The following GID8 variants were observed in gnomAD, a reference collection of about 807,000 sequenced individuals.
GID8 encodes the protein glucose-induced degradation protein 8 homolog.
A neutral mutation model predicts 27.4 loss-of-function variants in GID8; 6 were observed. The observed-to-expected ratio is 0.22, with a 90% confidence interval of 0.12 to 0.43. The LOEUF is 0.43. GID8 is among the 20% of genes least tolerant of loss of function. The pLI, the probability that GID8 is intolerant of heterozygous loss-of-function variation, is 1.00. For missense variants in GID8, 173 were observed against 287.6 expected (o/e 0.60, Z 2.88); for synonymous variants, 112 against 109.0 (o/e 1.03, Z -0.17).
chr20:62,945,502 G>T lies in GID8; in HGVS notation c.*590G>T, dbSNP rs2147634421. On this transcript the variant is annotated 3_prime_UTR_variant, in exon 5 of 5. Coordinates refer to ENST00000266069, the MANE Select transcript of GID8 (RefSeq NM_017896.3). ...GCTTTTGGGGGATGCGTGTGAGGGG[G>T]CTATGTGTTTTTTAATTTTTTAAAT... 10 of 1,043,798 alleles carry T rather than the reference G, an allele frequency of 9.6e-6. No individual in the cohort carries two copies. Among genetic ancestry groups the T allele is most frequent in the Non-Finnish European group, 1.2e-5 (10 of 863,882 alleles). 64.7% of individuals were successfully genotyped at this position (1,043,798 alleles called of 1,614,324 possible).
At chr20:62,939,748 G>T (rs1010907745) in intron 1 of GID8, among the ~76,000 whole-genome samples, 1 of 152,204 alleles carries the variant, frequency 6.6e-6, no homozygotes, top group African/African-American at 2.4e-5. Context: ...TCTCGCTTGG[G>T]TGTCTCCCTA....
intron 1 of GID8, chr20:62,938,611 G>T (rs535522694): frequency 1.3e-5 from 2 of 152,402 alleles, no homozygotes; most frequent in African/African-American, 2.4e-5. Flanking sequence ...AACCGAGCGG[G>T]TGAGGATGTA....
At position 62,946,097 on chromosome 20, in the gene GID8, C is replaced by A; in HGVS notation, c.*1185C>A. On this transcript the variant is annotated 3_prime_UTR_variant, in exon 5 of 5. Transcript: ENST00000266069. ...GTTTGGATTCATTGCAGCGGACCAC[C>A]GGGCACTGTTGACCCCACTGAGCAG... is the stretch of plus-strand genomic sequence containing the variant. The A allele has an allele frequency of 9.0e-7, 1 of 1,111,126 alleles. No homozygotes were observed. The highest frequency in any genetic ancestry group is 1.2e-6 in the Non-Finnish European group (1 of 831,328). The allele number at this position is 1,111,126 out of a possible 1,614,324, so 68.8% of individuals were successfully genotyped here. A position where few individuals can be genotyped will look rare whatever the true frequency, so the allele number is the denominator to read the frequency against.
Position 62,943,973 on chromosome 20 carries a change from C to G in GID8, c.513+281C>G, listed in dbSNP as rs931526750. ...GCCTCTGCCTCCCAAGTAGCTGGGA[C>G]TACAGGAGTGTGCCACCACGCCCAG... is the stretch of plus-strand genomic sequence containing the variant. On this transcript the variant is annotated intron_variant, in intron 4 of 4. Coordinates refer to ENST00000266069, the MANE Select transcript of GID8 (RefSeq NM_017896.3). This position sits in a 1 kb window ranked among gnomAD's most constrained non-coding sequence, Gnocchi z 4.7. 1.2e-4 allele frequency among the ~76,000 whole-genome samples: 18 copies of G among 152,038 alleles called. No individual in the cohort carries two copies. Among genetic ancestry groups the G allele is most frequent in the African/African-American group, 4.3e-4 (18 of 41,472 alleles).
In GID8 at chr20:62,945,335, C is replaced by A. The variant is rs2065461470; in HGVS notation, c.*423C>A. On this transcript the variant is annotated 3_prime_UTR_variant, in exon 5 of 5. Coordinates refer to ENST00000266069, the MANE Select transcript of GID8 (RefSeq NM_017896.3). ...ATTGGGCCTTCACCTACAAGTTTTT[C>A]CTTACCCCTGTGGTTTTTGTGTTTT... The A allele has an allele frequency of 1.7e-5, 17 of 993,592 alleles. No homozygotes were observed. Among genetic ancestry groups the A allele is most frequent in the Non-Finnish European group, 2.0e-5 (17 of 835,086 alleles). 61.5% of individuals were successfully genotyped at this position (993,592 alleles called of 1,614,324 possible).
At chr20:62,940,355 T>TG (rs2065437439) in intron 1 of GID8, among the ~76,000 whole-genome samples, 1 of 149,412 alleles carries the variant, frequency 6.7e-6, no homozygotes, top group Non-Finnish European at 1.5e-5. Flanking sequence ...CGGCAAATTT[T>TG]TTTTTTTTTT....
chr20:62,941,678 A>G, intron 2 of GID8, 58 bp downstream of exon 2: 2 of 943,996 alleles, frequency 2.1e-6, no homozygotes, highest in Non-Finnish European at 3.5e-6. Flanking sequence ...TTTTGAACAC[A>G]TAAGGAGTGC....
chr20:62,942,397 A>T (rs978848157), intron 2 of GID8, among the ~76,000 whole-genome samples: 3 of 152,152 alleles, frequency 2.0e-5, no homozygotes, highest in Non-Finnish European at 4.4e-5. Flanking sequence ...GGTTGCAGTG[A>T]GCCAAGATTG....
chr20:62,945,785 T>TGA lies in GID8; in HGVS notation c.*873_*874insGA. On this transcript the variant is annotated 3_prime_UTR_variant, in exon 5 of 5. Coordinates refer to ENST00000266069, the MANE Select transcript of GID8 (RefSeq NM_017896.3). The stretch of plus-strand genomic sequence containing the variant: ...CCTGTGCTGAGTGAGCGGCCTTCAT[T>TGA]AGAGCGAGGCAGCCCTTGGCCGGTG... 7.8e-7 allele frequency: 1 copy of TGA among 1,276,210 alleles called. No individual in the cohort carries two copies. The highest frequency in any genetic ancestry group is 1.5e-5 in the African/African-American group (1 of 65,890). 79.1% of individuals were successfully genotyped at this position (1,276,210 alleles called of 1,614,324 possible). A position where few individuals can be genotyped will look rare whatever the true frequency, so the allele number is the denominator to read the frequency against.
rs575401449 is a variant in GID8, at chr20:62,945,188, G to A, written c.*276G>A. The A allele has an allele frequency of 3.0e-5, 36 of 1,197,532 alleles. No homozygotes were observed. The highest frequency in any genetic ancestry group is 3.6e-5 in the Non-Finnish European group (35 of 959,186). 74.2% of individuals were successfully genotyped at this position (1,197,532 alleles called of 1,614,324 possible). ...GTTGCGGTTTGCTCTTCCAGTGTTC[G>A]GGGGCCTCTGGCTGCTGAAGGATTC... On this transcript the variant is annotated 3_prime_UTR_variant, in exon 5 of 5. Coordinates refer to ENST00000266069, the MANE Select transcript of GID8 (RefSeq NM_017896.3).
At chr20:62,941,445 G>A in intron 1 of GID8, 46 bp from the exon 2 acceptor site, 1 of 1,033,844 alleles carries the variant, frequency 9.7e-7, no homozygotes, top group East Asian at 2.4e-5. Flanking sequence ...TCTGCCCTTG[G>A]AGGAGCATCT....
At position 62,943,139 on chromosome 20, in the gene GID8, C is replaced by T; in HGVS notation, c.271C>T (p.Pro91Ser). Residue 91 changes from proline to serine, a missense_variant, in exon 3 of 5, where the codon CCA becomes TCA. By Grantham distance (74) the Pro-to-Ser change is moderately conservative. Coordinates refer to ENST00000266069, the MANE Select transcript of GID8 (RefSeq NM_017896.3). The surrounding 1 kb of genome is among the most constrained non-coding windows in gnomAD (Gnocchi z 4.7). ...EAIALINSLH[P>S]ELLDTNRYLY... ...CATCGCCTTGATCAACAGCCTCCAC[C>T]CAGAGCTCTTGGACACAAACCGGTA... is the stretch of plus-strand genomic sequence containing the variant. The T allele has an allele frequency of 6.2e-7, 1 of 1,614,034 alleles. No individual in the cohort carries two copies.
chr20:62,938,840 G>A (rs1339386820), intron 1 of GID8: 2 of 152,182 alleles, frequency 1.3e-5, no homozygotes, highest in East Asian at 3.9e-4. Context: ...TTTTCCTAGG[G>A]AGCTCTTAAC....
chr20:62,943,719 T>C lies in GID8; in HGVS notation c.513+27T>C. 1 of 1,576,318 alleles carries C rather than the reference T, an allele frequency of 6.3e-7. No homozygotes were observed. Among genetic ancestry groups the C allele is most frequent in the Non-Finnish European group, 8.7e-7 (1 of 1,146,668 alleles). On this transcript the variant is annotated intron_variant, in intron 4 of 4. Transcript: ENST00000266069. This position sits in a 1 kb window ranked among gnomAD's most constrained non-coding sequence, Gnocchi z 4.7. ...TGGGGCCTGCCAGAGGGAAGCTTTCTTCCATTCCCCATGTGCTCTGAGGGG... is the reference window on the plus strand; with the variant it reads ...TGGGGCCTGCCAGAGGGAAGCTTTCCTCCATTCCCCATGTGCTCTGAGGGG...
At position 62,945,732 on chromosome 20, in the gene GID8, G is replaced by A; in HGVS notation, c.*820G>A. ...GTGATAGCGGCAGTGGCTTTTTCTG[G>A]TACCTGCAGCTGGAAAGGCCACTTG... On this transcript the variant is annotated 3_prime_UTR_variant, in exon 5 of 5. Coordinates refer to ENST00000266069, the MANE Select transcript of GID8 (RefSeq NM_017896.3). 8.3e-7 allele frequency: 1 copy of A among 1,207,668 alleles called. No individual in the cohort carries two copies. The highest frequency in any genetic ancestry group is 1.1e-6 in the Non-Finnish European group (1 of 945,452). 74.8% of individuals were successfully genotyped at this position (1,207,668 alleles called of 1,614,324 possible).
In GID8 at chr20:62,944,856, G is replaced by T. The variant is rs1010877167; in HGVS notation, c.631G>T (p.Val211Leu). Residue 211 changes from valine to leucine, a missense_variant, in exon 5 of 5, where the codon GTA becomes TTA. Val to Leu is a conservative substitution (Grantham distance 32). Coordinates refer to ENST00000266069, the MANE Select transcript of GID8 (RefSeq NM_017896.3). ...WAQNELDQKK[V>L]KYPKMTDLSK... Reference sequence around the variant, plus strand: ...TCAGAACGAGCTGGACCAGAAGAAAGTAAAATATCCCAAAATGACAGACCT... The same window carrying T: ...TCAGAACGAGCTGGACCAGAAGAAATTAAAATATCCCAAAATGACAGACCT... 2 of 1,614,118 alleles carry T rather than the reference G, an allele frequency of 1.2e-6. No homozygotes were observed. The highest frequency in any genetic ancestry group is 1.7e-6 in the Non-Finnish European group (2 of 1,179,994).
chr20:62,943,199 G>A lies in GID8; in HGVS notation c.315+16G>A, dbSNP rs1210481127. On this transcript the variant is annotated intron_variant, in intron 3 of 4. Coordinates refer to ENST00000266069, the MANE Select transcript of GID8 (RefSeq NM_017896.3). The surrounding 1 kb of genome is among the most constrained non-coding windows in gnomAD (Gnocchi z 4.7). ...CCATTTGCAGGTATGTTTCAGGAGA[G>A]AGTAGTCTGGTTTGTGAATACTTGA... is the stretch of plus-strand genomic sequence containing the variant. 1 of 1,571,714 alleles carries A rather than the reference G, an allele frequency of 6.4e-7. No individual in the cohort carries two copies. The highest frequency in any genetic ancestry group is 1.7e-5 in the Admixed American group (1 of 57,666).
intron 2 of GID8, 103 bp downstream of exon 2, chr20:62,941,723 G>C: frequency 1.3e-6 from 1 of 742,426 alleles, no homozygotes; most frequent in South Asian, 1.5e-5. Flanking sequence ...AGTTATTTGT[G>C]TTCAGACATT....
At position 62,943,175 on chromosome 20, in the gene GID8, C is replaced by G; in HGVS notation, c.307C>G (p.His103Asp). 6.2e-7 allele frequency: 1 copy of G among 1,608,718 alleles called. No homozygotes were observed. The highest frequency in any genetic ancestry group is 8.5e-7 in the Non-Finnish European group (1 of 1,175,518). ...GGACACAAACCGGTATCTTTACTTC[C>G]ATTTGCAGGTATGTTTCAGGAGAGA... is the stretch of plus-strand genomic sequence containing the variant. Reference protein sequence around the residue: ...LLDTNRYLYFHLQQQHLIELI... With the variant: ...LLDTNRYLYFDLQQQHLIELI... The change falls in exon 3 of 5, where the codon CAT becomes GAT. Residue 103 changes from histidine to aspartate, a missense_variant. Transcript: ENST00000266069. This position sits in a 1 kb window ranked among gnomAD's most constrained non-coding sequence, Gnocchi z 4.7.
Sources: allele counts gnomAD v4.1 joint callset (sites outside exome capture counted in the v4.1 genomes callset), GRCh38; gene constraint gnomAD v4.1.1; non-coding constraint Gnocchi (gnomAD v3.1); transcripts MANE v1.5; gene names NCBI Gene and HGNC (gene_info 2026-07-23, HGNC 2026-07-21).